The following XPR1 variants were observed in gnomAD, a reference collection of about 807,000 sequenced individuals.
XPR1 encodes the protein xenotropic and polytropic retrovirus receptor 1.
XPR1 carries 28 observed loss-of-function variants against 87.5 expected under a neutral mutation model. That is an observed-to-expected ratio of 0.32 (90% CI 0.24 to 0.44). XPR1 has a LOEUF of 0.44. Ranked by LOEUF, XPR1 falls within the 20% of genes least tolerant of loss-of-function variation. The pLI is 1.00. For missense variants in XPR1, 559 were observed against 862.3 expected, an observed-to-expected ratio of 0.65 and a Z score of 4.41; for synonymous variants, 300 against 306.1, an observed-to-expected ratio of 0.98 and a Z score of 0.21.
intron 11 of XPR1, among the ~76,000 whole-genome samples, chr1:180,848,209 A>G (rs1241678337): frequency 6.6e-6 from 1 of 152,164 alleles, no homozygotes; most frequent in Admixed American, 6.5e-5. Flanking sequence ...GAAACTGTAT[A>G]TTATTGTTAA....
At chr1:180,648,687 C>T (rs1018786955) in intron 1 of XPR1, among the ~76,000 whole-genome samples, 3 of 151,990 alleles carry the variant, frequency 2.0e-5, no homozygotes, top group East Asian at 1.9e-4. Flanking sequence ...TTTGTATTTT[C>T]GGTAGAGATG....
chr1:180,706,953 TGAAA>T (rs2101978048), intron 2 of XPR1, among the ~76,000 whole-genome samples: 1 of 152,284 alleles, frequency 6.6e-6, no homozygotes, highest in African/African-American at 2.4e-5. Context: ...TTATTTAAGC[TGAAA>T]ACAGTATTTT....
chr1:180,632,465 G>T (rs1479948488), intron 1 of XPR1, among the ~76,000 whole-genome samples, 195 bp downstream of exon 1: 5 of 152,148 alleles, frequency 3.3e-5, no homozygotes, highest in African/African-American at 1.2e-4. Context: ...CTCCCCCGCA[G>T]CCCCGCTGCC....
At chr1:180,823,782 G>A (rs1322009032) in intron 7 of XPR1, among the ~76,000 whole-genome samples, 3 of 152,186 alleles carry the variant, frequency 2.0e-5, no homozygotes, top group Admixed American at 1.3e-4. Context: ...GCTTAGGTCA[G>A]TAACTAAGCA....
chr1:180,683,969 C>T lies in XPR1; in HGVS notation c.121+1558C>T, dbSNP rs1055710683. 1.6e-4 allele frequency among the ~76,000 whole-genome samples: 24 copies of T among 152,002 alleles called. No individual in the cohort carries two copies. The East Asian group carries it at 3.1e-3, about 20-fold the overall frequency. ...TGTGCAGAAGCTCTTTAGTTTAATTCGATCCCATTTGTCAATTTTGGCTTT... is the reference window on the plus strand; with the variant it reads ...TGTGCAGAAGCTCTTTAGTTTAATTTGATCCCATTTGTCAATTTTGGCTTT... On this transcript the variant is annotated intron_variant, in intron 2 of 14. Transcript: ENST00000367590.
chr1:180,680,272 A>T lies in XPR1; in HGVS notation c.70-2088A>T, dbSNP rs1206727337. On this transcript the variant is annotated intron_variant, in intron 1 of 14. Transcript: ENST00000367590. ...GCTAGTAAGGATGCAGAGAAAAAAG[A>T]AGTCTTATACTCGGTGGGAATGTAA... Among the ~76,000 whole-genome samples, 5 of 151,994 alleles carry T rather than the reference A, an allele frequency of 3.3e-5. No individual in the cohort carries two copies. In the East Asian group the frequency reaches 9.6e-4, roughly 29 times the overall value.
intron 2 of XPR1, among the ~76,000 whole-genome samples, chr1:180,687,648 TCAAA>T (rs759653145): frequency 6.6e-6 from 1 of 152,120 alleles, no homozygotes; most frequent in Non-Finnish European, 1.5e-5. Context: ...TCTCTGTTAC[TCAAA>T]CAAATAAACA....
At chr1:180,834,119 G>C (rs1651182487) in intron 9 of XPR1, among the ~76,000 whole-genome samples, 1 of 149,716 alleles carries the variant, frequency 6.7e-6, no homozygotes, top group Admixed American at 6.6e-5. Flanking sequence ...GCCTTGCTCT[G>C]TCCCCAGGCT....
At chr1:180,880,458 A>G (rs1015603502) in intron 14 of XPR1, among the ~76,000 whole-genome samples, 161 bp downstream of exon 14, 1 of 152,220 alleles carries the variant, frequency 6.6e-6, no homozygotes, top group African/African-American at 2.4e-5. Flanking sequence ...TCCATATGAT[A>G]CAACCTATGA....
At chr1:180,765,899 C>G (rs576925900) in intron 2 of XPR1, among the ~76,000 whole-genome samples, 31 of 151,734 alleles carry the variant, frequency 2.0e-4, no homozygotes, top group Admixed American at 6.6e-4. Flanking sequence ...TCATCATTCT[C>G]ATTTTCTTTA....
At chr1:180,816,696 G>T (rs1212715684) in intron 7 of XPR1, among the ~76,000 whole-genome samples, 1 of 152,216 alleles carries the variant, frequency 6.6e-6, no homozygotes, top group Non-Finnish European at 1.5e-5. Flanking sequence ...ACATTATTTA[G>T]ATGCTTGTGG....
chr1:180,842,684 G>A (rs539472909), intron 11 of XPR1, among the ~76,000 whole-genome samples: 1 of 152,102 alleles, frequency 6.6e-6, no homozygotes, highest in African/African-American at 2.4e-5. Flanking sequence ...CTTGGCTTTG[G>A]CAAAGAAAAG....
intron 7 of XPR1, among the ~76,000 whole-genome samples, chr1:180,815,004 G>T (rs1650352186): frequency 1.3e-5 from 2 of 151,976 alleles, no homozygotes; most frequent in African/African-American, 4.8e-5. Context: ...ATAGCTTGAG[G>T]CCAGCTCATA....
intron 9 of XPR1, 113 bp downstream of exon 9, chr1:180,825,457 T>C (rs1650795473): frequency 8.6e-7 from 1 of 1,158,044 alleles, no homozygotes; most frequent in Non-Finnish European, 1.2e-6. Flanking sequence ...TGGTTCACAT[T>C]ATAGTTTATG....
At chr1:180,806,356 T>C in intron 5 of XPR1, 118 bp from the exon 6 acceptor site, 1 of 1,449,372 alleles carries the variant, frequency 6.9e-7, no homozygotes, top group South Asian at 1.3e-5. Flanking sequence ...ATTTTCTTTA[T>C]CAGTATATAT....
In XPR1 at chr1:180,735,580, A is replaced by C. The variant is rs549535353; in HGVS notation, c.122-52173A>C. Among the ~76,000 whole-genome samples the C allele has an allele frequency of 4.6e-5, 7 of 152,338 alleles. No individual in the cohort carries two copies. The South Asian group carries it at 1.4e-3, about 32-fold the overall frequency. On this transcript the variant is annotated intron_variant, in intron 2 of 14. Coordinates refer to ENST00000367590, the MANE Select transcript of XPR1 (RefSeq NM_004736.4). ...CATTTTATTTATTGATTAAATAGTG[A>C]AAGCTGATCAATCTGACATTCTCTT...
intron 1 of XPR1, among the ~76,000 whole-genome samples, chr1:180,662,598 A>G (rs1162818602): frequency 1.3e-5 from 2 of 152,156 alleles, no homozygotes; most frequent in Non-Finnish European, 2.9e-5. Context: ...AAATGCCTTA[A>G]GGTAATCTTC....
At chr1:180,659,288 A>C (rs1203790721) in intron 1 of XPR1, among the ~76,000 whole-genome samples, 2 of 104,342 alleles carry the variant, frequency 1.9e-5, no homozygotes, top group African/African-American at 3.8e-5. Flanking sequence ...CTTCTTTCCC[A>C]TCAGTGTTCA....
At chr1:180,706,726 C>T (rs1657570574) in intron 2 of XPR1, among the ~76,000 whole-genome samples, 1 of 152,166 alleles carries the variant, frequency 6.6e-6, no homozygotes, top group South Asian at 2.1e-4. Flanking sequence ...ATTCTCCTGC[C>T]TCAGCCTCCT....
Sources: gnomAD v4.1 joint callset for allele counts (sites outside exome capture counted in the v4.1 genomes callset) on GRCh38, gnomAD v4.1.1 for gene constraint, MANE v1.5 for transcripts, NCBI Gene and HGNC (gene_info 2026-07-23, HGNC 2026-07-21) for gene names.